Variants in CCDC93 observed in about 807,000 individuals in gnomAD.
CCDC93 encodes the protein CCC complex scaffolding subunit CCDC93.
CCDC93 carries 61 observed loss-of-function variants against 108.2 expected under a neutral mutation model. The ratio of observed to expected loss-of-function variants is 0.56; its 90% CI spans 0.46 to 0.70. CCDC93 has a LOEUF of 0.70. CCDC93 is among the 30% of genes least tolerant of loss of function. The pLI is 0.00. For synonymous variants in CCDC93, 276 were observed against 260.4 expected (o/e 1.06, Z -0.58); for missense variants, 685 against 764.2 (o/e 0.90, Z 1.22).
At chr2:117,922,922 A>G (rs2104697357) in intron 23 of CCDC93, among the ~76,000 whole-genome samples, 1 of 152,150 alleles carries the variant, frequency 6.6e-6, no homozygotes, top group East Asian at 1.9e-4. Context: ...GTGGCCCCAA[A>G]TTACCTCAAA....
In CCDC93 at chr2:117,978,012, G is replaced by A; in HGVS notation, c.639C>T (p.Arg213=). The A allele has an allele frequency of 6.2e-7, 1 of 1,613,814 alleles. No homozygotes were observed. The highest frequency in any genetic ancestry group is 2.2e-5 in the East Asian group (1 of 44,884). Residue 213 remains arginine (R), a synonymous_variant, in exon 8 of 24, where the codon CGC becomes CGT. Transcript: ENST00000376300. ...TTCTTACCTTCTCCATTTTGCTCTG[G>A]CGGCTAAATCCATATCTCCTGCAGG... ...LEYGRRYGFS[R]QSKMEKAEDK... is the part of the protein sequence containing the mutation.
At chr2:117,932,480 T>C (rs1209640780) in intron 22 of CCDC93, among the ~76,000 whole-genome samples, 1 of 152,190 alleles carries the variant, frequency 6.6e-6, no homozygotes, top group Non-Finnish European at 1.5e-5. Context: ...CCACCACATA[T>C]GGGGACTGAT....
At chr2:117,981,034 T>C (rs977729980) in intron 7 of CCDC93, among the ~76,000 whole-genome samples, 6 of 152,200 alleles carry the variant, frequency 3.9e-5, no homozygotes, top group African/African-American at 1.4e-4. Context: ...ACTACTTAAT[T>C]CCATTTTATG....
Position 117,975,214 on chromosome 2 carries a change from C to T in CCDC93, c.724G>A (p.Glu242Lys), listed in dbSNP as rs1679899295. 1.2e-6 allele frequency: 2 copies of T among 1,613,844 alleles called. No individual in the cohort carries two copies. Among genetic ancestry groups the T allele is most frequent in the African/African-American group, 2.7e-5 (2 of 74,920 alleles). ...SATEKADAHE[E>K]DELRAAEEQR... is the part of the protein sequence containing the mutation. ...TCTTCAGCTGCTCGAAGCTCATCTTCCTCGTGGGCATCAGCTTTTTCTGTA... is the reference window on the plus strand; with the variant it reads ...TCTTCAGCTGCTCGAAGCTCATCTTTCTCGTGGGCATCAGCTTTTTCTGTA... Residue 242 changes from glutamate (E) to lysine (K), a missense_variant, in exon 9 of 24, where the codon GAA (glutamate) becomes AAA (lysine). Transcript: ENST00000376300.
At chr2:117,969,803 A>C (rs1237815601) in intron 11 of CCDC93, among the ~76,000 whole-genome samples, 1 of 152,184 alleles carries the variant, frequency 6.6e-6, no homozygotes, top group African/African-American at 2.4e-5. Context: ...TTTAACCTTG[A>C]TTCATTTTCC....
At chr2:117,923,008 A>C (rs1446049585) in intron 23 of CCDC93, among the ~76,000 whole-genome samples, 2 of 98,546 alleles carry the variant, frequency 2.0e-5, no homozygotes, top group Admixed American at 1.1e-4. Flanking sequence ...TAATATGTTC[A>C]AAAAAAAAAA....
intron 20 of CCDC93, among the ~76,000 whole-genome samples, chr2:117,938,613 T>C (rs902324217): frequency 6.6e-6 from 1 of 151,096 alleles, no homozygotes; most frequent in African/African-American, 2.4e-5. Context: ...CTGCTTTGAA[T>C]TTTACAAACC....
At chr2:117,972,194 T>C (rs1297737233) in intron 11 of CCDC93, among the ~76,000 whole-genome samples, 1 of 152,170 alleles carries the variant, frequency 6.6e-6, no homozygotes, top group Non-Finnish European at 1.5e-5. Context: ...AAACCTGTGT[T>C]GATCAAGAAT....
intron 6 of CCDC93, among the ~76,000 whole-genome samples, chr2:117,987,503 T>C (rs1680355543): frequency 6.6e-6 from 1 of 152,198 alleles, no homozygotes. Flanking sequence ...TATTGCTAAG[T>C]CACCCTTTAA....
intron 13 of CCDC93, among the ~76,000 whole-genome samples, chr2:117,951,891 C>T (rs1256868228): frequency 6.6e-6 from 1 of 152,186 alleles, no homozygotes; most frequent in African/African-American, 2.4e-5. Context: ...TCTCCTCCTG[C>T]AGCCCTTCCC....
Position 117,929,195 on chromosome 2 carries a change from G to T in CCDC93, c.1842+1842C>A, listed in dbSNP as rs192435620. ...TTAATGGGTGCAGCACACCAACATG[G>T]CACATGTACATATATGTAACTAACC... On this transcript the variant is annotated intron_variant, in intron 23 of 23. Coordinates refer to ENST00000376300, the MANE Select transcript of CCDC93 (RefSeq NM_019044.5). 3.1e-3 allele frequency among the ~76,000 whole-genome samples: 475 copies of T among 152,270 alleles called. 4 individuals are homozygous for T. Among genetic ancestry groups the T allele is most frequent in the African/African-American group, 0.011 (454 of 41,530 alleles).
chr2:117,992,825 A>G (rs753858690), intron 6 of CCDC93, among the ~76,000 whole-genome samples: 4 of 151,708 alleles, frequency 2.6e-5, no homozygotes, highest in African/African-American at 9.7e-5. Context: ...AATATCTGTC[A>G]TTATCACATA....
In CCDC93 at chr2:117,973,997, G is replaced by A. The variant is rs748767; in HGVS notation, c.802-3C>T. ...ACGGAGCTTGCGGTGAGACGGCTCT[G>A]CAAGTATATGGAGGGAATGTTCTCA... On this transcript the variant is annotated splice_region_variant and splice_polypyrimidine_tract_variant and intron_variant, in intron 10 of 23. Transcript: ENST00000376300. The A allele has an allele frequency of 0.41, 661,149 of 1,593,906 alleles. 140,961 individuals carry two copies. The highest frequency in any genetic ancestry group is 0.68 in the East Asian group (30,217 of 44,474).
intron 12 of CCDC93, among the ~76,000 whole-genome samples, chr2:117,954,585 T>C (rs2104750043): frequency 6.6e-6 from 1 of 152,258 alleles, no homozygotes; most frequent in East Asian, 1.9e-4. Context: ...ACTCTAAAAA[T>C]TCAGCTGCTG....
At chr2:117,979,979 G>A in intron 7 of CCDC93, among the ~76,000 whole-genome samples, 1 of 152,200 alleles carries the variant, frequency 6.6e-6, no homozygotes, top group East Asian at 1.9e-4. Context: ...TGTTGGTGTG[G>A]ATCACAGTAG....
rs1677684708 is a variant in CCDC93, at chr2:117,916,315, T to C, written c.*4028A>G. The C allele has an allele frequency of 7.2e-6, 1 of 139,494 alleles. No homozygotes were observed. Among genetic ancestry groups the C allele is most frequent in the African/African-American group, 2.7e-5 (1 of 36,766 alleles). The allele number at this position is 139,494 out of a possible 1,614,324, so 8.6% of individuals were successfully genotyped here. On this transcript the variant is annotated 3_prime_UTR_variant, in exon 24 of 24. Transcript: ENST00000376300. The stretch of plus-strand genomic sequence containing the variant: ...CTAACATTAGTGTAGTTCTTCCCTC[T>C]CTTTTTCCCTTCTTAGGGAATAAAA...
intron 17 of CCDC93, 42 bp from the exon 18 acceptor site, chr2:117,944,128 CT>C (rs1558775431): frequency 7.2e-7 from 1 of 1,395,732 alleles, no homozygotes; most frequent in East Asian, 2.3e-5. Context: ...GAATAGAAAA[CT>C]TTCACTCTTT....
chr2:118,001,179 G>T (rs1680840206), intron 3 of CCDC93: 3 of 357,088 alleles, frequency 8.4e-6, no homozygotes, highest in South Asian at 5.9e-5. Flanking sequence ...TACTTTTTTG[G>T]ATGTAAAATA....
intron 13 of CCDC93, chr2:117,949,890 G>A (rs1256282217): frequency 2.0e-6 from 2 of 985,416 alleles, no homozygotes; most frequent in Non-Finnish European, 2.4e-6. Flanking sequence ...TCAGGAAGAA[G>A]CTGTGTGGAG....
Sources: allele counts gnomAD v4.1 joint callset (sites outside exome capture counted in the v4.1 genomes callset), GRCh38; gene constraint gnomAD v4.1.1; transcripts MANE v1.5; gene names NCBI Gene and HGNC (gene_info 2026-07-23, HGNC 2026-07-21).